Variants in PEX3 observed in about 807,000 individuals in gnomAD.
PEX3 encodes the protein peroxin-3.
PEX3 carries 30 observed loss-of-function variants against 55.8 expected under a neutral mutation model. The observed-to-expected ratio is 0.54, with a 90% CI of 0.40 to 0.73. The LOEUF is 0.73. Among genes scored for constraint, PEX3 ranks in the 30% least tolerant of loss-of-function variants. The pLI is 0.00. For missense variants in PEX3, 351 were observed against 432.8 expected, an observed-to-expected ratio of 0.81 and a Z score of 1.68; for synonymous variants, 135 against 148.4, an observed-to-expected ratio of 0.91 and a Z score of 0.66.
chr6:143,468,808 C>CGCT lies in PEX3; in HGVS notation c.331+643_331+644insGCT. Among the ~76,000 whole-genome samples, 2 of 16,606 alleles carry CGCT rather than the reference C, an allele frequency of 1.2e-4. 1 individual carries two copies. The highest frequency in any genetic ancestry group is 3.9e-3 in the East Asian group (2 of 516). The allele number at this position is 16,606 out of a possible 152,430, so 10.9% of individuals were successfully genotyped here. A position where few individuals can be genotyped will look rare whatever the true frequency, so the allele number is the denominator to read the frequency against. On this transcript the variant is annotated intron_variant, in intron 4 of 11. Transcript: ENST00000367591. ...GTATATCTCCTAATGCTATCCCCCC[C>CGCT]CCCCCCACCCCACGACAGGCCCCAG...
intron 9 of PEX3, among the ~76,000 whole-genome samples, chr6:143,478,410 C>T (rs1780182176): frequency 6.6e-6 from 1 of 151,918 alleles, no homozygotes; most frequent in African/African-American, 2.4e-5. Context: ...AGTCCTACTT[C>T]AATAAAGCCG....
At position 143,468,134 on chromosome 6, in the gene PEX3, G is replaced by A. The variant is rs1780016061; in HGVS notation, c.300G>A (p.Lys100=). Reference sequence around the variant, plus strand: ...TTTTGTTCTTTAGGCCTTCAAACAAGCTAGAAATATGGGAGGATCTGAAGA... The same window carrying A: ...TTTTGTTCTTTAGGCCTTCAAACAAACTAGAAATATGGGAGGATCTGAAGA... ...TALLKNRPSN[K]LEIWEDLKII... The change falls in exon 4 of 12, where the codon AAG becomes AAA. Residue 100 remains lysine, a synonymous_variant. Transcript: ENST00000367591. 2 of 1,575,854 alleles carry A rather than the reference G, an allele frequency of 1.3e-6. No homozygotes were observed. Among genetic ancestry groups the A allele is most frequent in the Non-Finnish European group, 1.7e-6 (2 of 1,146,950 alleles).
Position 143,489,342 on chromosome 6 carries a change from T to C in PEX3, c.*116T>C, listed in dbSNP as rs1780355884. 1 of 671,862 alleles carries C rather than the reference T, an allele frequency of 1.5e-6. No homozygotes were observed. The highest frequency in any genetic ancestry group is 2.3e-5 in the Admixed American group (1 of 43,640). The allele number at this position is 671,862 out of a possible 1,614,324, so 41.6% of individuals were successfully genotyped here. On this transcript the variant is annotated 3_prime_UTR_variant, in exon 12 of 12. Transcript: ENST00000367591. The surrounding 1 kb of genome is among the most constrained non-coding windows in gnomAD (Gnocchi z 5.5). ...CAAAATGCCTGATAAAATATATTCT[T>C]AATAAAAGTCTTCATTTCATAATGA... is the stretch of plus-strand genomic sequence containing the variant.
In PEX3 at chr6:143,465,208, A is replaced by T. The variant is rs2128746038; in HGVS notation, c.287+2211A>T. Among the ~76,000 whole-genome samples the T allele has an allele frequency of 1.3e-5, 2 of 152,144 alleles. No individual in the cohort carries two copies. The highest frequency in any genetic ancestry group is 6.8e-3 in the Middle Eastern group (2 of 294). On this transcript the variant is annotated intron_variant, in intron 3 of 11. Transcript: ENST00000367591. This position sits in a 1 kb window ranked among gnomAD's most constrained non-coding sequence, Gnocchi z 4.7. Reference sequence around the variant, plus strand: ...GATTTCCATCAAACAAATCATTTGAAAGGAATATTTGTGTTGAAGGTACTT... The same window carrying T: ...GATTTCCATCAAACAAATCATTTGATAGGAATATTTGTGTTGAAGGTACTT...
At chr6:143,473,499 T>C (rs975094247) in intron 8 of PEX3, among the ~76,000 whole-genome samples, 22 of 152,114 alleles carry the variant, frequency 1.4e-4, no homozygotes, top group African/African-American at 5.1e-4. Flanking sequence ...GACCAGATCT[T>C]ACTGAACTGA....
chr6:143,461,716 G>A (rs1024256153), intron 2 of PEX3, among the ~76,000 whole-genome samples: 19 of 152,182 alleles, frequency 1.2e-4, no homozygotes, highest in African/African-American at 4.6e-4. Context: ...GGAGGCAAAG[G>A]TGGGAGGATT....
At chr6:143,467,063 T>C (rs138249220) in intron 3 of PEX3, among the ~76,000 whole-genome samples, 2 of 152,182 alleles carry the variant, frequency 1.3e-5, no homozygotes, top group Admixed American at 1.3e-4. Context: ...TAAATTACTT[T>C]GAAACAGAAA....
chr6:143,470,745 C>A (rs867747276), intron 4 of PEX3, among the ~76,000 whole-genome samples: 4 of 152,250 alleles, frequency 2.6e-5, no homozygotes, highest in Admixed American at 6.5e-5. Flanking sequence ...TAATATATTT[C>A]ATTGGTTATT....
At chr6:143,461,391 G>A (rs1289276584) in intron 2 of PEX3, among the ~76,000 whole-genome samples, 1 of 152,120 alleles carries the variant, frequency 6.6e-6, no homozygotes, top group Non-Finnish European at 1.5e-5. Context: ...TGAACAAATA[G>A]CTGACTATAG....
chr6:143,468,087 T>G lies in PEX3; in HGVS notation c.288-35T>G, dbSNP rs766926677. 7.1e-6 allele frequency: 8 copies of G among 1,125,206 alleles called. No individual in the cohort carries two copies. In the South Asian group the frequency reaches 9.4e-5, roughly 13 times the overall value. 69.7% of individuals were successfully genotyped at this position (1,125,206 alleles called of 1,614,324 possible). On this transcript the variant is annotated intron_variant, in intron 3 of 11. Transcript: ENST00000367591. Reference sequence around the variant, plus strand: ...AGAGTTTTCTATTAGATTATCTAGATTATTATTTTCATATTTTTAAATTTT... The same window carrying G: ...AGAGTTTTCTATTAGATTATCTAGAGTATTATTTTCATATTTTTAAATTTT...
At chr6:143,468,051 C>T (rs1424559508) in intron 3 of PEX3, 71 bp from the exon 4 acceptor site, 4 of 824,646 alleles carry the variant, frequency 4.9e-6, no homozygotes, top group East Asian at 2.7e-5. Flanking sequence ...AAAAATAGAT[C>T]TATAAAATTC....
In PEX3 at chr6:143,450,866, A is replaced by G. The variant is rs1779748394; in HGVS notation, c.-177A>G. On this transcript the variant is annotated 5_prime_UTR_variant, in exon 1 of 12. Transcript: ENST00000367591. ...AAGCGTAGCTGCTTTGCTGTAGTCC[A>G]CGCCCCCTTGCCGCTCCGGTGACAG... 2 of 775,730 alleles carry G rather than the reference A, an allele frequency of 2.6e-6. No individual in the cohort carries two copies. Among genetic ancestry groups the G allele is most frequent in the Admixed American group, 1.9e-5 (1 of 53,968 alleles). The allele number at this position is 775,730 out of a possible 1,614,324, so 48.1% of individuals were successfully genotyped here.
At chr6:143,468,769 G>A (rs377550010) in intron 4 of PEX3, among the ~76,000 whole-genome samples, 3 of 143,986 alleles carry the variant, frequency 2.1e-5, no homozygotes, top group African/African-American at 7.6e-5. Flanking sequence ...CCATTAACTC[G>A]TCATTTACAT....
intron 1 of PEX3, among the ~76,000 whole-genome samples, chr6:143,456,653 G>A (rs866411509): frequency 1.3e-5 from 2 of 152,162 alleles, no homozygotes; most frequent in East Asian, 1.9e-4. Flanking sequence ...TGCAATTGTC[G>A]ATGTCCAAGT....
chr6:143,473,592 A>G (rs941325328), intron 8 of PEX3, among the ~76,000 whole-genome samples: 3 of 152,296 alleles, frequency 2.0e-5, no homozygotes, highest in East Asian at 1.9e-4. Flanking sequence ...ATATCCTGAT[A>G]AAATCTCTTA....
chr6:143,452,624 C>T (rs1779791999), intron 1 of PEX3, among the ~76,000 whole-genome samples: 1 of 151,696 alleles, frequency 6.6e-6, no homozygotes, highest in Admixed American at 6.6e-5. Context: ...AAGAGGAATG[C>T]AAAAAATAGA....
rs367906989 is a variant in PEX3 at position 143,459,053 on chromosome 6, T to C, written c.74-32T>C. 3.3e-5 allele frequency: 48 copies of C among 1,475,260 alleles called. No individual in the cohort carries two copies. Among genetic ancestry groups the C allele is most frequent in the Non-Finnish European group, 4.0e-5 (42 of 1,055,212 alleles). 91.4% of individuals were successfully genotyped at this position (1,475,260 alleles called of 1,614,324 possible). On this transcript the variant is annotated intron_variant, in intron 1 of 11. Coordinates refer to ENST00000367591, the MANE Select transcript of PEX3 (RefSeq NM_003630.3). This position sits in a 1 kb window ranked among gnomAD's most constrained non-coding sequence, Gnocchi z 4.2. Reference sequence around the variant, plus strand: ...ATACTGTGTAGAATTTTTGGTACTCTAATGAATATAGTACTTTTTTAATGA... The same window carrying C: ...ATACTGTGTAGAATTTTTGGTACTCCAATGAATATAGTACTTTTTTAATGA...
chr6:143,466,204 A>C lies in PEX3; in HGVS notation c.288-1918A>C, dbSNP rs982842465. Among the ~76,000 whole-genome samples the C allele has an allele frequency of 6.6e-6, 1 of 152,086 alleles. No homozygotes were observed. Among genetic ancestry groups the C allele is most frequent in the Non-Finnish European group, 1.5e-5 (1 of 67,934 alleles). ...CCATGGTTTCACTTTCCAAGGTTTC[A>C]GTTAGCCATGACAACCATGGTCTAA... On this transcript the variant is annotated intron_variant, in intron 3 of 11. Transcript: ENST00000367591. The surrounding 1 kb of genome is among the most constrained non-coding windows in gnomAD (Gnocchi z 5.4).
In PEX3 at chr6:143,470,769, G is replaced by T. The variant is rs146419231; in HGVS notation, c.332-192G>T. On this transcript the variant is annotated intron_variant, in intron 4 of 11. Coordinates refer to ENST00000367591, the MANE Select transcript of PEX3 (RefSeq NM_003630.3). Reference sequence around the variant, plus strand: ...TCATTGGTTATTGTTTCAATTAAGGGATCATACCTAATTTTTATTAAACAA... The same window carrying T: ...TCATTGGTTATTGTTTCAATTAAGGTATCATACCTAATTTTTATTAAACAA... Among the ~76,000 whole-genome samples, 184 of 152,194 alleles carry T rather than the reference G, an allele frequency of 1.2e-3. 1 individual carries two copies. The highest frequency in any genetic ancestry group is 4.3e-3 in the African/African-American group (177 of 41,524).
Sources: gnomAD v4.1 joint callset for allele counts (sites outside exome capture counted in the v4.1 genomes callset) on GRCh38, gnomAD v4.1.1 for gene constraint, Gnocchi (gnomAD v3.1) non-coding constraint, MANE v1.5 for transcripts, NCBI Gene and HGNC (gene_info 2026-07-23, HGNC 2026-07-21) for gene names.